TSHZ3: variants seen among roughly 807,000 people sequenced by gnomAD.
TSHZ3 encodes the protein teashirt homolog 3.
TSHZ3 carries 10 observed loss-of-function variants against 64.5 expected under a neutral mutation model. The ratio of observed to expected loss-of-function variants is 0.16; its 90% confidence interval spans 0.10 to 0.26. TSHZ3 has a LOEUF of 0.26. Among genes scored for constraint, TSHZ3 ranks in the 10% least tolerant of loss-of-function variants. TSHZ3 has a pLI of 1.00. For synonymous variants in TSHZ3, 608 were observed against 593.1 expected (o/e 1.03, Z -0.36); for missense variants, 1,242 against 1,421.7 (o/e 0.87, Z 2.03).
At chr19:31,269,184 C>T (rs948443264) in intron 1 of TSHZ3, among the ~76,000 whole-genome samples, 1 of 152,110 alleles carries the variant, frequency 6.6e-6, no homozygotes, top group African/African-American at 2.4e-5. Context: ...TAGGCGGCTG[C>T]TTCTCTGTTA....
At chr19:31,287,653 A>G (rs975480714) in intron 1 of TSHZ3, among the ~76,000 whole-genome samples, 1 of 152,128 alleles carries the variant, frequency 6.6e-6, no homozygotes, top group Non-Finnish European at 1.5e-5. Flanking sequence ...GAGAGAGGCC[A>G]CCAAAGGGCA....
At chr19:31,228,865 T>A (rs1162757277) in intron 3 of TSHZ3, among the ~76,000 whole-genome samples, 1 of 152,112 alleles carries the variant, frequency 6.6e-6, no homozygotes, top group Admixed American at 6.6e-5. Flanking sequence ...TGGAAGTGAG[T>A]GTTCTCAAAG....
At chr19:31,270,635 A>C (rs1288068850), downstream of TSHZ3, among the ~76,000 whole-genome samples, 1 of 152,180 alleles carries the variant, frequency 6.6e-6, no homozygotes, top group Non-Finnish European at 1.5e-5. Context: ...ACCTTCTATG[A>C]TGATGGGAAT....
exon 7 of TSHZ3, among the ~76,000 whole-genome samples, chr19:31,150,549 T>A (rs1974225287): frequency 6.6e-6 from 1 of 152,176 alleles, no homozygotes; most frequent in South Asian, 2.1e-4. Context: ...GGAAGACAGC[T>A]TTAAGAAGCT....
chr19:31,284,425 C>A (rs1976419518), intron 1 of TSHZ3, among the ~76,000 whole-genome samples: 1 of 152,072 alleles, frequency 6.6e-6, no homozygotes, highest in Non-Finnish European at 1.5e-5. Flanking sequence ...TATCACCTCC[C>A]CATATAACAC....
intron 5 of TSHZ3, among the ~76,000 whole-genome samples, chr19:31,177,776 G>A (rs1475739726): frequency 6.6e-6 from 1 of 152,168 alleles, no homozygotes; most frequent in Admixed American, 6.5e-5. Flanking sequence ...TCTCAGGGCA[G>A]GAATATTCTC....
intron 1 of TSHZ3, among the ~76,000 whole-genome samples, chr19:31,335,215 C>T (rs1389934670): frequency 1.3e-5 from 2 of 152,226 alleles, no homozygotes; most frequent in Non-Finnish European, 2.9e-5. Flanking sequence ...CTTCCTTTGC[C>T]CTTCCCCGAC....
At chr19:31,241,685 T>C (rs1975691970) in intron 3 of TSHZ3, among the ~76,000 whole-genome samples, 1 of 152,220 alleles carries the variant, frequency 6.6e-6, no homozygotes, top group Non-Finnish European at 1.5e-5. Flanking sequence ...CAGCTCAGCA[T>C]GCCCACCATC....
At chr19:31,182,518 G>C (rs1974733013) in intron 5 of TSHZ3, among the ~76,000 whole-genome samples, 2 of 152,160 alleles carry the variant, frequency 1.3e-5, no homozygotes, top group Non-Finnish European at 2.9e-5. Context: ...AGGCAGGTCT[G>C]AGGACCGACC....
chr19:31,282,989 C>T (rs1314158357), intron 1 of TSHZ3, among the ~76,000 whole-genome samples: 2 of 152,162 alleles, frequency 1.3e-5, no homozygotes, highest in Non-Finnish European at 2.9e-5. Flanking sequence ...GAAGTATTTC[C>T]TTAGGTGGAG....
chr19:31,184,822 T>C (rs562607041), intron 5 of TSHZ3, among the ~76,000 whole-genome samples: 2 of 152,210 alleles, frequency 1.3e-5, no homozygotes, highest in Non-Finnish European at 2.9e-5. Context: ...AAGTCTTCCT[T>C]ACTGTCAAGA....
intron 1 of TSHZ3, among the ~76,000 whole-genome samples, chr19:31,294,609 T>A (rs1976631904): frequency 2.0e-5 from 3 of 152,210 alleles, no homozygotes; most frequent in Admixed American, 2.0e-4. Flanking sequence ...TTTTAAATAA[T>A]TTTGACTGAC....
chr19:31,288,067 T>C (rs1976495397), intron 1 of TSHZ3, among the ~76,000 whole-genome samples: 2 of 152,160 alleles, frequency 1.3e-5, no homozygotes, highest in Admixed American at 1.3e-4. Context: ...CCTGGGTAGC[T>C]AGGACTACAG....
chr19:31,183,761 G>C (rs1211465449), intron 5 of TSHZ3, among the ~76,000 whole-genome samples: 1 of 152,168 alleles, frequency 6.6e-6, no homozygotes, highest in Non-Finnish European at 1.5e-5. Context: ...CGATGAGCAA[G>C]ACATTTTGCT....
At chr19:31,243,590 G>C (rs1201846675) in intron 1 of TSHZ3, among the ~76,000 whole-genome samples, 2 of 152,138 alleles carry the variant, frequency 1.3e-5, no homozygotes, top group African/African-American at 4.8e-5. Context: ...GCCTGCATAT[G>C]GGATGAGTCC....
Position 31,349,043 on chromosome 19 carries a change from A to T in TSHZ3, c.40+137T>A, listed in dbSNP as rs1292034007. On this transcript the variant is annotated intron_variant, in intron 1 of 1. Transcript: ENST00000240587. ...GTACCCGAGGCGGGCGCACGCACCC[A>T]AACAGGAGAGCGGCGCCCGGAGTTA... 23 of 1,152,074 alleles carry T rather than the reference A, an allele frequency of 2.0e-5. No individual in the cohort carries two copies. The Admixed American group carries it at 6.1e-4, about 31-fold the overall frequency. The allele number at this position is 1,152,074 out of a possible 1,614,324, so 71.4% of individuals were successfully genotyped here. A position where few individuals can be genotyped will look rare whatever the true frequency, so the allele number is the denominator to read the frequency against.
At chr19:31,316,675 T>TG (rs1190839650) in intron 1 of TSHZ3, among the ~76,000 whole-genome samples, 1 of 152,072 alleles carries the variant, frequency 6.6e-6, no homozygotes, top group Non-Finnish European at 1.5e-5. Context: ...TAAATTTTCA[T>TG]GGGGGAGAGG....
chr19:31,225,172 T>C (rs1599592512), intron 4 of TSHZ3, among the ~76,000 whole-genome samples: 1 of 152,198 alleles, frequency 6.6e-6, no homozygotes, highest in South Asian at 2.1e-4. Flanking sequence ...AGTGAGGCCA[T>C]GTTACTTCAG....
At chr19:31,210,535 T>C (rs529451760) in intron 4 of TSHZ3, among the ~76,000 whole-genome samples, 7 of 152,138 alleles carry the variant, frequency 4.6e-5, no homozygotes, top group Non-Finnish European at 8.8e-5. Flanking sequence ...AGCCCAGCCA[T>C]GCCTGGAACA....
Sources: gnomAD v4.1 joint callset for allele counts (sites outside exome capture counted in the v4.1 genomes callset) on GRCh38, gnomAD v4.1.1 for gene constraint, MANE v1.5 for transcripts, NCBI Gene and HGNC (gene_info 2026-07-23, HGNC 2026-07-21) for gene names.